Variants in DOCK7 observed in about 807,000 individuals in gnomAD.
DOCK7 encodes the protein dedicator of cytokinesis 7.
A neutral mutation model predicts 271.0 loss-of-function variants in DOCK7; 138 were observed. The ratio of observed to expected loss-of-function variants is 0.51; its 90% confidence interval spans 0.44 to 0.59. The LOEUF (loss-of-function observed/expected upper bound fraction) is 0.59, where lower values mean the gene tolerates loss of function less well. Ranked by LOEUF, DOCK7 falls within the 20% of genes least tolerant of loss-of-function variation. The pLI is 0.00. For synonymous variants in DOCK7, 823 were observed against 876.1 expected, an observed-to-expected ratio of 0.94 and a Z score of 1.07; for missense variants, 2,066 against 2,592.4, an observed-to-expected ratio of 0.80 and a Z score of 4.41.
intron 1 of DOCK7, among the ~76,000 whole-genome samples, chr1:62,671,886 T>C (rs1466163482): frequency 6.6e-6 from 1 of 151,678 alleles, no homozygotes; most frequent in Non-Finnish European, 1.5e-5. Context: ...AAAGGGCTGG[T>C]TACAGAATTA....
At chr1:62,563,351 A>G (rs1447320914) in intron 18 of DOCK7, among the ~76,000 whole-genome samples, 4 of 152,194 alleles carry the variant, frequency 2.6e-5, no homozygotes, top group South Asian at 2.1e-4. Context: ...ATTATTCATC[A>G]TATCAACTAG....
chr1:62,626,976 T>A (rs1226410609), intron 11 of DOCK7, among the ~76,000 whole-genome samples: 1 of 152,104 alleles, frequency 6.6e-6, no homozygotes, highest in African/African-American at 2.4e-5. Context: ...TGAATATAGA[T>A]GCAAAAATCC....
chr1:62,669,193 A>G (rs546575110), intron 1 of DOCK7, among the ~76,000 whole-genome samples: 139 of 152,344 alleles, frequency 9.1e-4, no homozygotes, highest in Non-Finnish European at 1.7e-3. Context: ...GACAGGCAGC[A>G]GACTAGCCAC....
chr1:62,604,679 T>C (rs771120709), intron 14 of DOCK7: 1 of 1,613,124 alleles, frequency 6.2e-7, no homozygotes, highest in Non-Finnish European at 8.5e-7. Flanking sequence ...ACCTAAATGG[T>C]AAATATAACA....
chr1:62,554,296 C>A (rs1646061067), intron 21 of DOCK7, among the ~76,000 whole-genome samples: 1 of 151,976 alleles, frequency 6.6e-6, no homozygotes, highest in Non-Finnish European at 1.5e-5. Flanking sequence ...CACAGTGAAA[C>A]CCCGTCTCTA....
At chr1:62,654,270 T>C (rs1196516254) in intron 2 of DOCK7, 111 bp from the exon 3 acceptor site, 1 of 1,038,214 alleles carries the variant, frequency 9.6e-7, no homozygotes, top group Non-Finnish European at 1.4e-6. Context: ...AATCTAGTTC[T>C]TTCTAAAATT....
intron 2 of DOCK7, among the ~76,000 whole-genome samples, chr1:62,661,619 T>C (rs1190676173): frequency 6.6e-6 from 1 of 151,966 alleles, no homozygotes; most frequent in Non-Finnish European, 1.5e-5. Context: ...TCAGTGAAAA[T>C]AATGACAAAA....
In DOCK7 at chr1:62,654,135, G is replaced by T. The variant is rs1657704116; in HGVS notation, c.169C>A (p.Pro57Thr). Residue 57 changes from proline (P) to threonine (T), a missense_variant, in exon 3 of 50, where the codon CCA becomes ACA. Pro to Thr is a conservative substitution (Grantham distance 38). This residue lies in a region of DOCK7 where 1,414 missense variants were observed against 1,670.4 expected (regional missense o/e 0.85). Transcript: ENST00000635253. ...ATGAGGTAATCTTCCAAATCCACTG[G>T]ATCTACTGCTTCGGTAAGGGGCACC... Reference protein sequence around the residue: ...TTVPLTEAVDPVDLEDYLITH... With the variant: ...TTVPLTEAVDTVDLEDYLITH... 3 of 1,613,290 alleles carry T rather than the reference G, an allele frequency of 1.9e-6. No individual in the cohort carries two copies. The South Asian group carries it at 3.3e-5, about 18-fold the overall frequency.
chr1:62,495,558 T>C (rs778225165), intron 39 of DOCK7, 23 bp downstream of exon 39: 2 of 1,509,444 alleles, frequency 1.3e-6, no homozygotes, highest in Non-Finnish European at 1.8e-6. Flanking sequence ...ATACAAAGCA[T>C]AAATGAATCA....
intron 1 of DOCK7, among the ~76,000 whole-genome samples, chr1:62,666,511 T>G (rs1659340947): frequency 6.6e-6 from 1 of 152,220 alleles, no homozygotes; most frequent in Non-Finnish European, 1.5e-5. Flanking sequence ...TAAAAATATG[T>G]GCAACCCAGA....
intron 34 of DOCK7, 94 bp from the exon 35 acceptor site, chr1:62,508,152 C>G: frequency 8.7e-7 from 1 of 1,144,786 alleles, no homozygotes; most frequent in Non-Finnish European, 1.2e-6. Flanking sequence ...AAATTTCAAA[C>G]CATTTTCAAT....
chr1:62,574,242 T>C (rs1168489418), intron 18 of DOCK7, among the ~76,000 whole-genome samples: 2 of 152,098 alleles, frequency 1.3e-5, no homozygotes, highest in East Asian at 1.9e-4. Flanking sequence ...CCCCAATAAA[T>C]AGAACATCAT....
At chr1:62,523,786 G>A (rs1644920064) in intron 31 of DOCK7, among the ~76,000 whole-genome samples, 1 of 152,134 alleles carries the variant, frequency 6.6e-6, no homozygotes, top group Non-Finnish European at 1.5e-5. Context: ...AGAATGGTGT[G>A]AACCTGGGAG....
intron 16 of DOCK7, among the ~76,000 whole-genome samples, chr1:62,582,026 T>A (rs1014300321): frequency 6.6e-6 from 1 of 151,800 alleles, no homozygotes; most frequent in East Asian, 1.9e-4. Flanking sequence ...AAAGCAGAGG[T>A]GAAAAGATTC....
chr1:62,632,475 G>C (rs550447885), intron 10 of DOCK7, among the ~76,000 whole-genome samples: 16 of 152,232 alleles, frequency 1.1e-4, no homozygotes, highest in African/African-American at 3.9e-4. Context: ...CTCAGTTCTT[G>C]TTATGAATCT....
chr1:62,631,407 T>G lies in DOCK7; in HGVS notation c.1117-2A>C. 1.3e-6 allele frequency: 2 copies of G among 1,594,138 alleles called. No individual in the cohort carries two copies. Among genetic ancestry groups the G allele is most frequent in the Non-Finnish European group, 1.7e-6 (2 of 1,173,374 alleles). ...CAGTTTCTCCAGTTTTTCTTTATTC[T>G]GCAAAACAGAACTTTATACATTATA... is the stretch of plus-strand genomic sequence containing the variant. On this transcript the variant is annotated splice_acceptor_variant, in intron 10 of 49. Coordinates refer to ENST00000635253, the MANE Select transcript of DOCK7 (RefSeq NM_001367561.1). LOFTEE classifies it high-confidence loss of function.
chr1:62,539,218 C>T (rs1454827139), intron 27 of DOCK7, among the ~76,000 whole-genome samples: 1 of 152,126 alleles, frequency 6.6e-6, no homozygotes, highest in Non-Finnish European at 1.5e-5. Context: ...GGTATAAATG[C>T]TCCACTTGCA....
intron 30 of DOCK7, 41 bp downstream of exon 30, chr1:62,529,236 T>C (rs1389525313): frequency 6.6e-7 from 1 of 1,508,996 alleles, no homozygotes; most frequent in South Asian, 1.4e-5. Flanking sequence ...TTTTAAACAT[T>C]GAGCTTTGCC....
intron 19 of DOCK7, 130 bp from the exon 20 acceptor site, chr1:62,559,350 A>G (rs921231836): frequency 1.8e-6 from 1 of 571,136 alleles, no homozygotes; most frequent in Non-Finnish European, 3.0e-6. Context: ...GTATACAAAC[A>G]TTGTTTCCAA....
Sources: gnomAD v4.1 joint callset for allele counts (sites outside exome capture counted in the v4.1 genomes callset) on GRCh38, gnomAD v4.1.1 for gene constraint, gnomAD v4.1.1 regional missense constraint, MANE v1.5 for transcripts, NCBI Gene and HGNC (gene_info 2026-07-23, HGNC 2026-07-21) for gene names.